CLPB: variants seen among roughly 807,000 people sequenced by gnomAD.
The protein encoded by CLPB is mitochondrial disaggregase.
CLPB carries 40 observed loss-of-function variants against 78.4 expected under a neutral mutation model. The ratio of observed to expected loss-of-function variants is 0.51; its 90% CI spans 0.40 to 0.66. The LOEUF is 0.66. Among genes scored for constraint, CLPB ranks in the 30% least tolerant of loss-of-function variants. CLPB has a pLI of 0.00. For synonymous variants in CLPB, 333 were observed against 348.0 expected (o/e 0.96, Z 0.48); for missense variants, 780 against 886.9 (o/e 0.88, Z 1.53).
At chr11:72,390,195 C>T (rs1037805437) in intron 3 of CLPB, among the ~76,000 whole-genome samples, 2 of 151,850 alleles carry the variant, frequency 1.3e-5, no homozygotes, top group Admixed American at 6.6e-5. Flanking sequence ...CCCAGCACTC[C>T]GGGAGGCTGA....
chr11:72,423,467 C>G (rs905669938), intron 2 of CLPB, among the ~76,000 whole-genome samples: 1 of 152,206 alleles, frequency 6.6e-6, no homozygotes, highest in African/African-American at 2.4e-5. Context: ...TTGTCCTAAC[C>G]ATCACCAAGT....
chr11:72,346,988 T>TAAAAAAAAA (rs60688188), intron 5 of CLPB, among the ~76,000 whole-genome samples: 1 of 60,182 alleles, frequency 1.7e-5, no homozygotes. Context: ...TCTCAAAAAT[T>TAAAAAAAAA]AAAAAAAAAA....
In CLPB at chr11:72,305,165, T is replaced by C. The variant is rs1949723989; in HGVS notation, c.1122+2034A>G. ...CTGGCAAGTTTCCAATCCAGCTTCC[T>C]AGAGCAGCTGAGAACAACGGTATCA... On this transcript the variant is annotated intron_variant, in intron 9 of 15. Coordinates refer to ENST00000538039, the MANE Select transcript of CLPB (RefSeq NM_001258392.3). 2.6e-5 allele frequency among the ~76,000 whole-genome samples: 4 copies of C among 152,340 alleles called. No individual in the cohort carries two copies. In the South Asian group the frequency reaches 8.3e-4, roughly 32 times the overall value.
intron 4 of CLPB, among the ~76,000 whole-genome samples, chr11:72,371,315 A>G (rs1951037218): frequency 6.6e-6 from 1 of 151,958 alleles, no homozygotes; most frequent in African/African-American, 2.4e-5. Context: ...AGATTGCCTG[A>G]GCTCAGGAGT....
chr11:72,334,461 T>C (rs772910714), intron 5 of CLPB, among the ~76,000 whole-genome samples: 31 of 152,194 alleles, frequency 2.0e-4, no homozygotes, highest in Non-Finnish European at 3.4e-4. Flanking sequence ...CATCTAATAT[T>C]AGTACCCCAG....
chr11:72,292,337 C>A lies in CLPB; in HGVS notation c.*1030G>T, dbSNP rs1460762918. On this transcript the variant is annotated 3_prime_UTR_variant, in exon 16 of 16. Transcript: ENST00000538039. ...ACTGTAGATGGTGCCCAAGGATGCA[C>A]CAGGCCTTACTGTGCCTGGCTAAGG... The A allele has an allele frequency of 6.6e-6, 1 of 152,242 alleles. No homozygotes were observed. Among genetic ancestry groups the A allele is most frequent in the African/African-American group, 2.4e-5 (1 of 41,442 alleles). 9.4% of individuals were successfully genotyped at this position (152,242 alleles called of 1,614,324 possible).
chr11:72,422,281 A>AC (rs1856231728), intron 2 of CLPB, among the ~76,000 whole-genome samples: 2 of 151,186 alleles, frequency 1.3e-5, no homozygotes, highest in African/African-American at 4.9e-5. Flanking sequence ...AAAAAAAAAA[A>AC]AAAAAAAAAA....
intron 6 of CLPB, among the ~76,000 whole-genome samples, chr11:72,328,947 A>T (rs1031511111): frequency 2.0e-5 from 3 of 152,206 alleles, no homozygotes; most frequent in Admixed American, 2.0e-4. Context: ...CCACGTGGGC[A>T]GTGCTCTAGT....
chr11:72,372,022 C>T (rs745504381), intron 4 of CLPB, among the ~76,000 whole-genome samples: 15 of 152,162 alleles, frequency 9.9e-5, no homozygotes, highest in Non-Finnish European at 1.3e-4. Context: ...CAAGCGCTTT[C>T]GTAAGTACTC....
At chr11:72,344,039 C>CAGATCAGGAGAGTCTTCCTT (rs1950466648) in intron 5 of CLPB, among the ~76,000 whole-genome samples, 1 of 152,132 alleles carries the variant, frequency 6.6e-6, no homozygotes, top group Non-Finnish European at 1.5e-5. Flanking sequence ...CCACTGCCCA[C>CAGATCAGGAGAGTCTTCCTT]AGATCAGGAG....
chr11:72,306,030 A>G (rs918471071), intron 9 of CLPB, among the ~76,000 whole-genome samples: 6 of 152,134 alleles, frequency 3.9e-5, no homozygotes, highest in African/African-American at 1.4e-4. Context: ...TAATTGTTTC[A>G]ATCGCTGCCA....
intron 2 of CLPB, among the ~76,000 whole-genome samples, chr11:72,425,124 G>C (rs1856334029): frequency 2.0e-5 from 3 of 152,170 alleles, no homozygotes; most frequent in Admixed American, 6.5e-5. Flanking sequence ...AAACACACTT[G>C]CAACTGTTGC....
At chr11:72,353,932 T>A (rs75969470) in intron 5 of CLPB, among the ~76,000 whole-genome samples, 2 of 118,410 alleles carry the variant, frequency 1.7e-5, no homozygotes, top group Non-Finnish European at 3.4e-5. Context: ...ATGGTTAGAA[T>A]TTTTTTTTAA....
In CLPB at chr11:72,333,492, T is replaced by A. The variant is rs142637274; in HGVS notation, c.776-3688A>T. Among the ~76,000 whole-genome samples, 780 of 152,368 alleles carry A rather than the reference T, an allele frequency of 5.1e-3. 5 individuals carry two copies. The highest frequency in any genetic ancestry group is 7.8e-3 in the Non-Finnish European group (528 of 68,034). ...ACCTTGGCCACTCTCTCCTTTGAGT[T>A]CTATAAAACCACTTTTCAGGTTTTC... On this transcript the variant is annotated intron_variant, in intron 5 of 15. Coordinates refer to ENST00000538039, the MANE Select transcript of CLPB (RefSeq NM_001258392.3).
chr11:72,343,325 A>G (rs1950454888), intron 5 of CLPB, among the ~76,000 whole-genome samples: 1 of 152,144 alleles, frequency 6.6e-6, no homozygotes, highest in Admixed American at 6.5e-5. Flanking sequence ...ACTTCCCTAT[A>G]TGGAGAGAAT....
chr11:72,335,528 T>C (rs1950304600), intron 5 of CLPB, among the ~76,000 whole-genome samples: 1 of 152,148 alleles, frequency 6.6e-6, no homozygotes, highest in African/African-American at 2.4e-5. Flanking sequence ...CCCACTTCCA[T>C]CTTGGTTCTG....
intron 4 of CLPB, among the ~76,000 whole-genome samples, chr11:72,362,847 G>A (rs1167701473): frequency 6.6e-6 from 1 of 152,164 alleles, no homozygotes; most frequent in Non-Finnish European, 1.5e-5. Context: ...TTTCCTCTCA[G>A]AAAGGCACAG....
intron 1 of CLPB, among the ~76,000 whole-genome samples, chr11:72,431,375 T>C (rs1856540683): frequency 6.6e-6 from 1 of 152,144 alleles, no homozygotes; most frequent in Non-Finnish European, 1.5e-5. Context: ...CATGAGCAAA[T>C]GCACTGGAGT....
chr11:72,337,222 C>T (rs1950338387), intron 5 of CLPB: 1 of 398,244 alleles, frequency 2.5e-6, no homozygotes, highest in African/African-American at 2.1e-5. Context: ...TGAGCTTTTT[C>T]TATAAACCAC....
Sources: allele counts gnomAD v4.1 joint callset (sites outside exome capture counted in the v4.1 genomes callset), GRCh38; gene constraint gnomAD v4.1.1; transcripts MANE v1.5; gene names NCBI Gene and HGNC (gene_info 2026-07-23, HGNC 2026-07-21).